SLC12A2: variants seen among roughly 807,000 people sequenced by gnomAD.
SLC12A2 encodes solute carrier family 12 member 2.
A neutral mutation model predicts 136.3 loss-of-function variants in SLC12A2; 67 were observed. That is an observed-to-expected ratio of 0.49 (90% CI 0.40 to 0.60). The LOEUF is 0.60. Among genes scored for constraint, SLC12A2 ranks in the 20% least tolerant of loss-of-function variants. The pLI is 0.00. For missense variants in SLC12A2, 1,322 were observed against 1,534.7 expected, an observed-to-expected ratio of 0.86 and a Z score of 2.32; for synonymous variants, 619 against 562.9, an observed-to-expected ratio of 1.10 and a Z score of -1.41.
At chr5:128,181,096 A>G in intron 23 of SLC12A2, 102 bp downstream of exon 23, 1 of 798,016 alleles carries the variant, frequency 1.3e-6, no homozygotes, top group Admixed American at 2.4e-5. Context: ...AATGTCTATT[A>G]TCTTGCTTTG....
At chr5:128,152,249 A>G (rs1025471310) in intron 14 of SLC12A2, among the ~76,000 whole-genome samples, 1 of 152,216 alleles carries the variant, frequency 6.6e-6, no homozygotes, top group African/African-American at 2.4e-5. Flanking sequence ...TCAAGTCTAT[A>G]AATTAACAAA....
intron 1 of SLC12A2, chr5:128,110,352 T>C: frequency 1.1e-6 from 1 of 950,616 alleles, no homozygotes; most frequent in Admixed American, 1.7e-5. Flanking sequence ...GGATATGATG[T>C]CTGTGCAAGC....
chr5:128,135,407 A>G (rs1443711882), intron 6 of SLC12A2, among the ~76,000 whole-genome samples: 3 of 152,084 alleles, frequency 2.0e-5, no homozygotes, highest in South Asian at 2.1e-4. Flanking sequence ...TGGAATTTAC[A>G]GTGCTTTATG....
chr5:128,149,977 C>T lies in SLC12A2; in HGVS notation c.2006-20C>T, dbSNP rs375773037. On this transcript the variant is annotated intron_variant, in intron 12 of 26. Transcript: ENST00000262461. ...AAATGTCTAATACGTCAGTAAATCT[C>T]GCATGTGTTTGTTCTGCAGCTGAAC... The T allele has an allele frequency of 1.9e-5, 29 of 1,523,052 alleles. No homozygotes were observed. Among genetic ancestry groups the T allele is most frequent in the African/African-American group, 1.8e-4 (13 of 72,974 alleles). The allele number at this position is 1,523,052 out of a possible 1,614,324, so 94.3% of individuals were successfully genotyped here.
At chr5:128,158,268 A>G in intron 16 of SLC12A2, 104 bp downstream of exon 16, 1 of 815,558 alleles carries the variant, frequency 1.2e-6, no homozygotes, top group Non-Finnish European at 1.9e-6. Flanking sequence ...TGTGTGTCAC[A>G]GGGGTTTGGT....
Position 128,164,641 on chromosome 5 carries a change from C to G in SLC12A2, c.2616+2841C>G, listed in dbSNP as rs759187904. ...TCTTTTAGTTGTTTATTACCTTTGGCAAAAGAATTTTGTACATTAATTTGT... is the reference window on the plus strand; with the variant it reads ...TCTTTTAGTTGTTTATTACCTTTGGGAAAAGAATTTTGTACATTAATTTGT... On this transcript the variant is annotated intron_variant, in intron 17 of 26. Coordinates refer to ENST00000262461, the MANE Select transcript of SLC12A2 (RefSeq NM_001046.3). Among the ~76,000 whole-genome samples the G allele has an allele frequency of 7.5e-4, 114 of 152,070 alleles. 1 individual carries two copies. The highest frequency in any genetic ancestry group is 1.2e-3 in the Non-Finnish European group (81 of 68,000).
intron 22 of SLC12A2, among the ~76,000 whole-genome samples, chr5:128,179,497 G>T (rs969351838): frequency 5.3e-5 from 8 of 152,180 alleles, no homozygotes; most frequent in African/African-American, 1.7e-4. Flanking sequence ...AAGAAAAGAG[G>T]TTTAATCTGC....
At chr5:128,142,046 T>C in intron 10 of SLC12A2, 65 bp downstream of exon 10, 1 of 1,337,988 alleles carries the variant, frequency 7.5e-7, no homozygotes, top group Non-Finnish European at 1.1e-6. Context: ...TACTATCAAA[T>C]ATGACCATTC....
intron 7 of SLC12A2, among the ~76,000 whole-genome samples, chr5:128,136,504 C>T (rs1762197227): frequency 6.6e-6 from 1 of 152,024 alleles, no homozygotes; most frequent in South Asian, 2.1e-4. Context: ...TGTTCATAGC[C>T]CTGTCAAACT....
intron 21 of SLC12A2, among the ~76,000 whole-genome samples, chr5:128,177,818 G>T (rs776753297): frequency 6.6e-6 from 1 of 152,094 alleles, no homozygotes; most frequent in Non-Finnish European, 1.5e-5. Context: ...ATAGTCATTT[G>T]CTTGCTCACA....
Position 128,183,693 on chromosome 5 carries a change from A to G in SLC12A2, c.3300-673A>G, listed in dbSNP as rs546367414. The stretch of plus-strand genomic sequence containing the variant: ...TTAGTGTCTGCCCTTTTCCCCTTCA[A>G]AATGTTCTAGTACATTTTTTTACAT... On this transcript the variant is annotated intron_variant, in intron 24 of 26. Transcript: ENST00000262461. Among the ~76,000 whole-genome samples, 24 of 152,110 alleles carry G rather than the reference A, an allele frequency of 1.6e-4. No homozygotes were observed. The East Asian group carries it at 4.6e-3, about 29-fold the overall frequency.
intron 10 of SLC12A2, among the ~76,000 whole-genome samples, chr5:128,144,916 TGTCTTTTTTTCCCCTTTAGAGACAAGACA>T (rs1762481814): frequency 6.6e-6 from 1 of 152,192 alleles, no homozygotes; most frequent in Non-Finnish European, 1.5e-5. Context: ...ATTAGACTTT[TGTCTTTTTTTCCCCTTTAGAGACAAGACA>T]GTCTTTTTTT....
In SLC12A2 at chr5:128,084,521, C is replaced by T. The variant is rs781018278; in HGVS notation, c.567C>T (p.Gly189=). 3.7e-6 allele frequency: 6 copies of T among 1,613,400 alleles called. No homozygotes were observed. Among genetic ancestry groups the T allele is most frequent in the Admixed American group, 3.3e-5 (2 of 59,994 alleles). Residue 189 remains glycine, a synonymous_variant, in exon 1 of 27, where the codon GGC becomes GGT. Coordinates refer to ENST00000262461, the MANE Select transcript of SLC12A2 (RefSeq NM_001046.3). The surrounding 1 kb of genome is among the most constrained non-coding windows in gnomAD (Gnocchi z 5.6). ...AGGGCAGCAGCCTGCACTCCGGCGGCGGCGGCGGCAGTGGGCACCACCAGC... is the reference window on the plus strand; with the variant it reads ...AGGGCAGCAGCCTGCACTCCGGCGGTGGCGGCGGCAGTGGGCACCACCAGC... ...LSEGSSLHSG[G]GGGSGHHQHY...
In SLC12A2 at chr5:128,178,585, T is replaced by C. The variant is rs756954130; in HGVS notation, c.2996T>C (p.Val999Ala). Residue 999 changes from valine (V) to alanine (A), a missense_variant, in exon 22 of 27, where the codon GTG (valine) becomes GCG (alanine). Transcript: ENST00000262461. Reference sequence around the variant, plus strand: ...CCTTTAGAATCCAAAGGCCCTATTGTGCCTTTAAATGTAGCTGACCAAAAG... The same window carrying C: ...CCTTTAGAATCCAAAGGCCCTATTGCGCCTTTAAATGTAGCTGACCAAAAG... ...LLKKESKGPI[V>A]PLNVADQKLL... 5 of 1,591,060 alleles carry C rather than the reference T, an allele frequency of 3.1e-6. No homozygotes were observed. Among genetic ancestry groups the C allele is most frequent in the Non-Finnish European group, 3.4e-6 (4 of 1,170,970 alleles).
intron 4 of SLC12A2, among the ~76,000 whole-genome samples, chr5:128,130,480 A>G (rs1449911883): frequency 7.8e-5 from 11 of 141,312 alleles, no homozygotes; most frequent in Non-Finnish European, 1.2e-4. Context: ...ACACCACTGC[A>G]CTCCAGCCTG....
At chr5:128,095,877 G>C (rs2126645996) in intron 1 of SLC12A2, among the ~76,000 whole-genome samples, 1 of 152,184 alleles carries the variant, frequency 6.6e-6, no homozygotes, top group South Asian at 2.1e-4. Flanking sequence ...ACCATGTTGA[G>C]TCTTTGATTA....
chr5:128,100,416 A>C (rs939567365), intron 1 of SLC12A2, among the ~76,000 whole-genome samples: 18 of 152,124 alleles, frequency 1.2e-4, no homozygotes, highest in African/African-American at 4.3e-4. Flanking sequence ...ATGGTGCTTA[A>C]AGGAACTGCA....
chr5:128,147,786 A>AATTTAGAATTGTTGC, intron 11 of SLC12A2, 57 bp downstream of exon 11: 1 of 1,028,814 alleles, frequency 9.7e-7, no homozygotes, highest in Non-Finnish European at 1.5e-6. Flanking sequence ...AATACTTCTC[A>AATTTAGAATTGTTGC]ATTTAGAATT....
chr5:128,179,987 T>TTTTTTG, intron 22 of SLC12A2, among the ~76,000 whole-genome samples: 1 of 112,394 alleles, frequency 8.9e-6, no homozygotes, highest in East Asian at 2.7e-4. Context: ...TTTTTTTTTT[T>TTTTTTG]GCGACTGAGT....
Sources: gnomAD v4.1 joint callset for allele counts (sites outside exome capture counted in the v4.1 genomes callset) on GRCh38, gnomAD v4.1.1 for gene constraint, Gnocchi (gnomAD v3.1) non-coding constraint, MANE v1.5 for transcripts, NCBI Gene and HGNC (gene_info 2026-07-23, HGNC 2026-07-21) for gene names.